The following ALPK1 variants were observed in gnomAD, a reference collection of about 807,000 sequenced individuals.
The protein encoded by ALPK1 is alpha kinase 1.
Under a neutral mutation model 120.6 loss-of-function variants are expected in ALPK1, and 110 were observed. That is an observed-to-expected ratio of 0.91 (90% CI 0.78 to 1.07). The LOEUF (loss-of-function observed/expected upper bound fraction) is 1.07, where lower values mean the gene tolerates loss of function less well. Among genes scored for constraint, ALPK1 ranks in the 50% least tolerant of loss-of-function variants. The pLI is 0.00. For synonymous variants in ALPK1, 582 were observed against 560.3 expected, an observed-to-expected ratio of 1.04 and a Z score of -0.55; for missense variants, 1,498 against 1,483.9, an observed-to-expected ratio of 1.01 and a Z score of -0.16.
chr4:112,379,615 A>T (rs1290033506), intron 3 of ALPK1, among the ~76,000 whole-genome samples: 2 of 152,216 alleles, frequency 1.3e-5, no homozygotes, highest in Non-Finnish European at 2.9e-5. Flanking sequence ...TCGTCACCGC[A>T]TGTGCTCCCA....
At chr4:112,349,666 G>T (rs1730261612) in intron 2 of ALPK1, among the ~76,000 whole-genome samples, 1 of 149,430 alleles carries the variant, frequency 6.7e-6, no homozygotes, top group African/African-American at 2.5e-5. Context: ...CGATTCTCCT[G>T]CCTCAGTCTC....
intron 5 of ALPK1, chr4:112,423,667 C>G (rs994138050): frequency 1.4e-5 from 8 of 557,186 alleles, no homozygotes; most frequent in East Asian, 8.3e-5. Context: ...CTCTACTCCT[C>G]AAACCCTGCT....
chr4:112,357,713 G>A (rs759049816), intron 2 of ALPK1: 50 of 1,536,722 alleles, frequency 3.3e-5, no homozygotes, highest in South Asian at 4.5e-5. Context: ...TTTGACAGAC[G>A]GTTTTCCAAG....
At chr4:112,385,752 A>C (rs930192317) in intron 4 of ALPK1, among the ~76,000 whole-genome samples, 1 of 152,194 alleles carries the variant, frequency 6.6e-6, no homozygotes, top group Admixed American at 6.5e-5. Context: ...TCAATATTAG[A>C]GTTTGTCAGA....
At chr4:112,386,739 T>C (rs1034790734) in intron 4 of ALPK1, among the ~76,000 whole-genome samples, 1 of 152,198 alleles carries the variant, frequency 6.6e-6, no homozygotes, top group African/African-American at 2.4e-5. Context: ...CCAGCACCAT[T>C]GTACTGTGGG....
chr4:112,306,432 T>C (rs1264258367), intron 1 of ALPK1, among the ~76,000 whole-genome samples: 1 of 152,128 alleles, frequency 6.6e-6, no homozygotes, highest in African/African-American at 2.4e-5. Context: ...TCAGAGCCTG[T>C]TATTGGTCAA....
At chr4:112,311,412 G>A (rs1327394413) in intron 1 of ALPK1, among the ~76,000 whole-genome samples, 1 of 152,042 alleles carries the variant, frequency 6.6e-6, no homozygotes, top group Non-Finnish European at 1.5e-5. Context: ...ACTATTATTG[G>A]TAGCAGTATT....
chr4:112,327,585 A>G (rs745328729), intron 2 of ALPK1, among the ~76,000 whole-genome samples: 1 of 152,126 alleles, frequency 6.6e-6, no homozygotes, highest in Non-Finnish European at 1.5e-5. Flanking sequence ...ACAGGCGTGC[A>G]CAACCGAGCC....
At chr4:112,438,420 C>G in intron 12 of ALPK1, 64 bp from the exon 13 acceptor site, 1 of 1,487,248 alleles carries the variant, frequency 6.7e-7, no homozygotes, top group South Asian at 1.2e-5. Flanking sequence ...GATCTCCTCT[C>G]TCTTACTCCA....
At position 112,356,999 on chromosome 4, in the gene ALPK1, C is replaced by T. The variant is rs1230428468; in HGVS notation, c.-100-20679C>T. 16 of 776,402 alleles carry T rather than the reference C, an allele frequency of 2.1e-5. No individual in the cohort carries two copies. In the Admixed American group the frequency reaches 2.6e-4, roughly 13 times the overall value. The allele number at this position is 776,402 out of a possible 1,614,324, so 48.1% of individuals were successfully genotyped here. On this transcript the variant is annotated intron_variant, in intron 2 of 15. Coordinates refer to ENST00000650871, the MANE Select transcript of ALPK1 (RefSeq NM_025144.4). ...GCTGGAGGAGCAGATCAAGGTGGCA[C>T]AGCAGGGCCAGCCCCAACCGGAGTT...
At chr4:112,366,555 T>C (rs758895924) in intron 2 of ALPK1, among the ~76,000 whole-genome samples, 4 of 152,174 alleles carry the variant, frequency 2.6e-5, no homozygotes, top group Admixed American at 6.5e-5. Flanking sequence ...AAATAATAGA[T>C]GTTGGCATGG....
intron 2 of ALPK1, among the ~76,000 whole-genome samples, chr4:112,337,653 C>CA (rs1482430176): frequency 6.6e-6 from 1 of 152,042 alleles, no homozygotes; most frequent in African/African-American, 2.4e-5. Context: ...CAGTGAGCTA[C>CA]AATCATGCCA....
chr4:112,427,032 T>TC (rs1432446829), intron 8 of ALPK1, among the ~76,000 whole-genome samples: 1 of 152,238 alleles, frequency 6.6e-6, no homozygotes, highest in Non-Finnish European at 1.5e-5. Context: ...ATCTGAAACA[T>TC]CTGGTTATTA....
chr4:112,330,145 A>C (rs540592899), intron 2 of ALPK1, among the ~76,000 whole-genome samples: 1 of 152,364 alleles, frequency 6.6e-6, no homozygotes, highest in South Asian at 2.1e-4. Flanking sequence ...GAGCTTACAG[A>C]AAGTTCTGAG....
At chr4:112,350,279 T>C (rs542331949) in intron 2 of ALPK1, among the ~76,000 whole-genome samples, 2 of 152,324 alleles carry the variant, frequency 1.3e-5, no homozygotes, top group East Asian at 3.9e-4. Context: ...TAAATACAGA[T>C]TTTAAAATAC....
chr4:112,399,737 C>G lies in ALPK1; in HGVS notation c.277-12090C>G, dbSNP rs535790921. 4.6e-5 allele frequency among the ~76,000 whole-genome samples: 7 copies of G among 152,234 alleles called. No individual in the cohort carries two copies. In the South Asian group the frequency reaches 1.5e-3, roughly 32 times the overall value. On this transcript the variant is annotated intron_variant, in intron 4 of 15. Transcript: ENST00000650871. Reference sequence around the variant, plus strand: ...TGCATCAGGTATTTGTCGTATTGCTCTCCCTCCTCTTGTCCTCCACCCCTC... The same window carrying G: ...TGCATCAGGTATTTGTCGTATTGCTGTCCCTCCTCTTGTCCTCCACCCCTC...
chr4:112,331,188 T>C (rs1729354027), intron 2 of ALPK1, among the ~76,000 whole-genome samples: 1 of 152,308 alleles, frequency 6.6e-6, no homozygotes, highest in African/African-American at 2.4e-5. Context: ...CACTTTGTTC[T>C]TGAACTCATC....
At chr4:112,324,123 C>T (rs759785098) in intron 2 of ALPK1, among the ~76,000 whole-genome samples, 4 of 152,050 alleles carry the variant, frequency 2.6e-5, no homozygotes, top group Admixed American at 1.3e-4. Flanking sequence ...GTCAGGAGAT[C>T]GAGACCATCC....
Position 112,357,631 on chromosome 4 carries a change from A to G in ALPK1, c.-100-20047A>G, listed in dbSNP as rs1411225637. On this transcript the variant is annotated intron_variant, in intron 2 of 15. Coordinates refer to ENST00000650871, the MANE Select transcript of ALPK1 (RefSeq NM_025144.4). ...CCCAGTCTGCCTGGAGAACCCACAC[A>G]TCATCGACAAGCACCAGATCTGGGT... 22 of 1,607,756 alleles carry G rather than the reference A, an allele frequency of 1.4e-5. No homozygotes were observed. The Admixed American group carries it at 1.8e-4, about 13-fold the overall frequency.
Sources: gnomAD v4.1 joint callset for allele counts (sites outside exome capture counted in the v4.1 genomes callset) on GRCh38, gnomAD v4.1.1 for gene constraint, MANE v1.5 for transcripts, NCBI Gene and HGNC (gene_info 2026-07-23, HGNC 2026-07-21) for gene names.